IGF1R: variants seen among roughly 807,000 people sequenced by gnomAD.
IGF1R encodes the protein insulin-like growth factor 1 receptor.
A neutral mutation model predicts 144.6 loss-of-function variants in IGF1R; 44 were observed. That is an observed-to-expected ratio of 0.30 (90% CI 0.24 to 0.39). The LOEUF (loss-of-function observed/expected upper bound fraction) is 0.39, where lower values mean the gene tolerates loss of function less well. IGF1R is among the 10% of genes least tolerant of loss of function. IGF1R has a pLI of 1.00. For synonymous variants in IGF1R, 795 were observed against 722.8 expected (o/e 1.10, Z -1.60); for missense variants, 1,355 against 1,833.7 (o/e 0.74, Z 4.77).
rs532161486 is a variant in IGF1R at position 98,650,081 on chromosome 15, G to A, written c.94+406G>A. On this transcript the variant is annotated intron_variant, in intron 1 of 20. Transcript: ENST00000650285. ...CCGCACACAGCGCTGATCCCCTGCG[G>A]CGCGCAGGCAGCAGCGACAGCACCC... Among the ~76,000 whole-genome samples, 4 of 152,276 alleles carry A rather than the reference G, an allele frequency of 2.6e-5. No homozygotes were observed. In the South Asian group the frequency reaches 8.3e-4, roughly 32 times the overall value.
intron 2 of IGF1R, among the ~76,000 whole-genome samples, chr15:98,787,571 A>G (rs564770131): frequency 3.7e-4 from 56 of 152,226 alleles, no homozygotes; most frequent in African/African-American, 1.3e-3. Flanking sequence ...GATCCTTAAA[A>G]CAGAGACCTC....
At position 98,962,192 on chromosome 15, in the gene IGF1R, GGGTGGCCAGACGGT is replaced by G; in HGVS notation, c.*4752_*4765del. 4.3e-6 allele frequency: 1 copy of G among 233,364 alleles called. No individual in the cohort carries two copies. The highest frequency in any genetic ancestry group is 6.0e-5 in the East Asian group (1 of 16,594). 14.5% of individuals were successfully genotyped at this position (233,364 alleles called of 1,614,324 possible). A position where few individuals can be genotyped will look rare whatever the true frequency, so the allele number is the denominator to read the frequency against. ...TTAGCTGTCACGTTGGCTCCTTCCAGGGTGGCCAGACGGTGTTGGCCACTCCCTTCTAAAACACA... is the reference window on the plus strand; with the variant it reads ...TTAGCTGTCACGTTGGCTCCTTCCAGGTTGGCCACTCCCTTCTAAAACACA... On this transcript the variant is annotated 3_prime_UTR_variant, in exon 21 of 21. Transcript: ENST00000650285.
chr15:98,767,230 A>G (rs1176535760), intron 2 of IGF1R, among the ~76,000 whole-genome samples: 1 of 152,128 alleles, frequency 6.6e-6, no homozygotes, highest in Non-Finnish European at 1.5e-5. Flanking sequence ...GGGATGAGTG[A>G]CCTCAGTATT....
intron 4 of IGF1R, among the ~76,000 whole-genome samples, chr15:98,898,917 A>G (rs1044835238): frequency 2.0e-5 from 3 of 152,270 alleles, no homozygotes; most frequent in South Asian, 4.1e-4. Context: ...CATAAATACT[A>G]TAGAAAATTT....
intron 2 of IGF1R, among the ~76,000 whole-genome samples, chr15:98,871,875 T>A (rs148744261): frequency 6.6e-6 from 1 of 152,208 alleles, no homozygotes. Context: ...TGTGTAAAAG[T>A]TGAATAAAGT....
intron 1 of IGF1R, among the ~76,000 whole-genome samples, chr15:98,676,285 G>A (rs1252776015): frequency 6.6e-6 from 1 of 152,026 alleles, no homozygotes; most frequent in Non-Finnish European, 1.5e-5. Context: ...CTACAGGCAT[G>A]TGCCACCATG....
intron 1 of IGF1R, among the ~76,000 whole-genome samples, chr15:98,691,482 G>A (rs539058465): frequency 9.9e-5 from 15 of 151,520 alleles, no homozygotes; most frequent in African/African-American, 3.6e-4. Flanking sequence ...TCCTGCTTCA[G>A]CCTCCCGAGT....
At chr15:98,809,305 C>T (rs1322021449) in intron 2 of IGF1R, among the ~76,000 whole-genome samples, 1 of 152,190 alleles carries the variant, frequency 6.6e-6, no homozygotes, top group Non-Finnish European at 1.5e-5. Context: ...CTTGGATTCA[C>T]TTTTCCCAAG....
At chr15:98,709,789 G>A (rs150483871) in intron 2 of IGF1R, among the ~76,000 whole-genome samples, 1 of 152,276 alleles carries the variant, frequency 6.6e-6, no homozygotes, top group East Asian at 1.9e-4. Flanking sequence ...TGGGCATGAG[G>A]ATGTTTTGAA....
chr15:98,724,013 C>T (rs1430989573), intron 2 of IGF1R, among the ~76,000 whole-genome samples: 1 of 152,022 alleles, frequency 6.6e-6, no homozygotes, highest in African/African-American at 2.4e-5. Flanking sequence ...CAGTTTAGGC[C>T]AATCCATTTA....
Position 98,961,220 on chromosome 15 carries a change from T to C in IGF1R, c.*3778T>C, listed in dbSNP as rs1216271524. The C allele has an allele frequency of 4.3e-6, 1 of 233,540 alleles. No homozygotes were observed. Among genetic ancestry groups the C allele is most frequent in the East Asian group, 6.0e-5 (1 of 16,592 alleles). The allele number at this position is 233,540 out of a possible 1,614,324, so 14.5% of individuals were successfully genotyped here. On this transcript the variant is annotated 3_prime_UTR_variant, in exon 21 of 21. Coordinates refer to ENST00000650285, the MANE Select transcript of IGF1R (RefSeq NM_000875.5). ...CCCCTTGGAATAACGGCCTCTCCTC[T>C]CGTGCACATACCTACCGGTTTCCAC...
At chr15:98,782,856 T>A (rs2055890817) in intron 2 of IGF1R, among the ~76,000 whole-genome samples, 1 of 152,246 alleles carries the variant, frequency 6.6e-6, no homozygotes, top group Non-Finnish European at 1.5e-5. Flanking sequence ...TAGTATATAA[T>A]CCTAAACTGT....
intron 1 of IGF1R, among the ~76,000 whole-genome samples, chr15:98,681,137 G>A (rs965047058): frequency 1.3e-5 from 2 of 152,256 alleles, no homozygotes; most frequent in African/African-American, 4.8e-5. Context: ...ATGCATCCCT[G>A]TCATTAAGTG....
rs2017316988 is a variant in IGF1R at position 98,963,722 on chromosome 15, G to C, written c.*6280G>C. 4.3e-6 allele frequency: 1 copy of C among 233,086 alleles called. No individual in the cohort carries two copies. The highest frequency in any genetic ancestry group is 8.5e-6 in the Non-Finnish European group (1 of 118,002). 14.4% of individuals were successfully genotyped at this position (233,086 alleles called of 1,614,324 possible). A position where few individuals can be genotyped will look rare whatever the true frequency, so the allele number is the denominator to read the frequency against. ...ATGCCTCGTATCATGACTGATTACT[G>C]CTTTGTTAGAACACAGAAGAGACCC... On this transcript the variant is annotated 3_prime_UTR_variant, in exon 21 of 21. Transcript: ENST00000650285.
At position 98,649,751 on chromosome 15, in the gene IGF1R, G is replaced by C. The variant is rs1186625970; in HGVS notation, c.94+76G>C. On this transcript the variant is annotated intron_variant, in intron 1 of 20. Coordinates refer to ENST00000650285, the MANE Select transcript of IGF1R (RefSeq NM_000875.5). ...GGGCTGCGCCCTGTTTGCGAAACCC[G>C]AGTTGCCACCGTCGCAGCTGTCGGG... The C allele has an allele frequency of 2.6e-6, 3 of 1,135,474 alleles. No individual in the cohort carries two copies. In the South Asian group the frequency reaches 3.8e-5, roughly 14 times the overall value. The allele number at this position is 1,135,474 out of a possible 1,614,324, so 70.3% of individuals were successfully genotyped here. A position where few individuals can be genotyped will look rare whatever the true frequency, so the allele number is the denominator to read the frequency against.
In IGF1R at chr15:98,670,693, A is replaced by G. The variant is rs45576636; in HGVS notation, c.94+21018A>G. Among the ~76,000 whole-genome samples, 8 of 152,346 alleles carry G rather than the reference A, an allele frequency of 5.3e-5. No individual in the cohort carries two copies. In the South Asian group the frequency reaches 1.2e-3, roughly 24 times the overall value. ...TCTCAGGTCATCACTGTGCTTTTGCACATTGCAGTTATATTTGACTACATT... is the reference window on the plus strand; with the variant it reads ...TCTCAGGTCATCACTGTGCTTTTGCGCATTGCAGTTATATTTGACTACATT... On this transcript the variant is annotated intron_variant, in intron 1 of 20. Coordinates refer to ENST00000650285, the MANE Select transcript of IGF1R (RefSeq NM_000875.5).
chr15:98,751,759 C>T (rs2055017227), intron 2 of IGF1R, among the ~76,000 whole-genome samples: 2 of 152,160 alleles, frequency 1.3e-5, no homozygotes, highest in Admixed American at 1.3e-4. Flanking sequence ...GAGACTCGGA[C>T]CTATGCTTCT....
intron 1 of IGF1R, among the ~76,000 whole-genome samples, chr15:98,659,637 A>T (rs1016064617): frequency 2.0e-5 from 3 of 152,220 alleles, no homozygotes; most frequent in Non-Finnish European, 4.4e-5. Context: ...TAAGTGATGC[A>T]GACAGGCGCA....
intron 2 of IGF1R, among the ~76,000 whole-genome samples, chr15:98,721,628 A>G (rs1389306264): frequency 6.6e-6 from 1 of 152,214 alleles, no homozygotes; most frequent in Non-Finnish European, 1.5e-5. Flanking sequence ...GCACCATGAG[A>G]GGGAGCACCT....
Sources: allele counts gnomAD v4.1 joint callset (sites outside exome capture counted in the v4.1 genomes callset), GRCh38; gene constraint gnomAD v4.1.1; transcripts MANE v1.5; gene names NCBI Gene and HGNC (gene_info 2026-07-23, HGNC 2026-07-21).